Variants in DOCK8 observed in about 807,000 individuals in gnomAD.
DOCK8 encodes the protein dedicator of cytokinesis 8.
A neutral mutation model predicts 245.6 loss-of-function variants in DOCK8; 141 were observed. The ratio of observed to expected loss-of-function variants is 0.57; its 90% CI spans 0.50 to 0.66. The LOEUF (loss-of-function observed/expected upper bound fraction) is 0.66, where lower values mean the gene tolerates loss of function less well. DOCK8 is among the 30% of genes least tolerant of loss of function. DOCK8 has a pLI of 0.00. For missense variants in DOCK8, 2,965 were observed against 2,603.4 expected, an observed-to-expected ratio of 1.14 and a Z score of -3.02; for synonymous variants, 1,168 against 970.2, an observed-to-expected ratio of 1.20 and a Z score of -3.79.
At position 289,767 on chromosome 9, in the gene DOCK8, C is replaced by T. The variant is rs554426266; in HGVS notation, c.404+186C>T. On this transcript the variant is annotated intron_variant, in intron 4 of 47. Coordinates refer to ENST00000432829, the MANE Select transcript of DOCK8 (RefSeq NM_203447.4). ...ACACAGTTCCCCCTATTATGAACAT[C>T]TCACTTTAGTGTGGTACATTTGTTA... Among the ~76,000 whole-genome samples, 6 of 152,298 alleles carry T rather than the reference C, an allele frequency of 3.9e-5. No individual in the cohort carries two copies. The East Asian group carries it at 1.2e-3, about 29-fold the overall frequency.
rs768203617 is a variant in DOCK8, at chr9:464,141, CTCTT to C, written c.6240-16_6240-13del. The C allele has an allele frequency of 6.2e-7, 1 of 1,606,932 alleles. No individual in the cohort carries two copies. On this transcript the variant is annotated splice_polypyrimidine_tract_variant and intron_variant, in intron 47 of 47. Transcript: ENST00000432829. Reference sequence around the variant, plus strand: ...TACGCTCTCTTTCCCTCTCCTCCCTCTCTTTTCTTAATTTCAGGGACTCCTTCCA... The same window carrying C: ...TACGCTCTCTTTCCCTCTCCTCCCTCTTCTTAATTTCAGGGACTCCTTCCA...
Position 318,157 on chromosome 9 carries a change from C to T in DOCK8, c.827+1029C>T, listed in dbSNP as rs138496732. 4.3e-3 allele frequency among the ~76,000 whole-genome samples: 657 copies of T among 152,358 alleles called. 7 individuals carry two copies. The highest frequency in any genetic ancestry group is 0.015 in the African/African-American group (619 of 41,584). ...GTACCCTCGGAGTGCCTCCATACCT[C>T]TCTTCGTCTCTGCAGACTGCTATTT... On this transcript the variant is annotated intron_variant, in intron 7 of 47. Transcript: ENST00000432829.
intron 4 of DOCK8, among the ~76,000 whole-genome samples, chr9:301,879 G>A (rs375840621): frequency 1.3e-5 from 2 of 152,010 alleles, no homozygotes; most frequent in Non-Finnish European, 2.9e-5. Context: ...TTCCATGCTC[G>A]TGGATAGGAA....
At chr9:335,384 C>T (rs1299231526) in intron 11 of DOCK8, among the ~76,000 whole-genome samples, 1 of 152,182 alleles carries the variant, frequency 6.6e-6, no homozygotes, top group Non-Finnish European at 1.5e-5. Context: ...TCCATGTTCA[C>T]ATCTTTTCAT....
intron 10 of DOCK8, among the ~76,000 whole-genome samples, chr9:333,563 T>C (rs1052663361): frequency 6.6e-5 from 10 of 150,536 alleles, no homozygotes; most frequent in African/African-American, 1.7e-4. Flanking sequence ...ATCGTGCCAC[T>C]GCACTCCAGC....
intron 36 of DOCK8, 52 bp from the exon 37 acceptor site, chr9:432,113 CT>C: frequency 6.3e-7 from 1 of 1,593,812 alleles, no homozygotes; most frequent in Non-Finnish European, 8.6e-7. Flanking sequence ...CAGTTATCTA[CT>C]GCTAAGTGTG....
intron 1 of DOCK8, among the ~76,000 whole-genome samples, chr9:244,754 T>A (rs1211825219): frequency 6.6e-6 from 1 of 152,154 alleles, no homozygotes; most frequent in Non-Finnish European, 1.5e-5. Context: ...TTCCTCCCAG[T>A]TGTGGAGGTT....
chr9:269,576 A>G (rs1381994688), intron 1 of DOCK8, among the ~76,000 whole-genome samples: 2 of 119,474 alleles, frequency 1.7e-5, no homozygotes, highest in African/African-American at 3.8e-5. Flanking sequence ...TTTTTTTTGC[A>G]ACAGAGTCTT....
chr9:305,580 T>C lies in DOCK8; in HGVS notation c.528+876T>C, dbSNP rs186542280. Among the ~76,000 whole-genome samples, 641 of 152,324 alleles carry C rather than the reference T, an allele frequency of 4.2e-3. 9 individuals carry two copies. Among genetic ancestry groups the C allele is most frequent in the African/African-American group, 0.014 (578 of 41,564 alleles). The stretch of plus-strand genomic sequence containing the variant: ...GATTACAGGCATGAGCCACCACGCC[T>C]GGCCAGTTGTCATTATTCTTATAAA... On this transcript the variant is annotated intron_variant, in intron 5 of 47. Coordinates refer to ENST00000432829, the MANE Select transcript of DOCK8 (RefSeq NM_203447.4).
At chr9:377,355 AT>A (rs1291166254) in intron 20 of DOCK8, 144 bp downstream of exon 20, 23 of 695,380 alleles carry the variant, frequency 3.3e-5, no homozygotes, top group Non-Finnish European at 4.5e-5. Flanking sequence ...GCCAAGTCTT[AT>A]GCTATTTTTT....
intron 33 of DOCK8, among the ~76,000 whole-genome samples, chr9:424,610 A>T (rs2056411293): frequency 1.3e-5 from 2 of 152,158 alleles, no homozygotes; most frequent in South Asian, 4.1e-4. Context: ...GGGTTTCACC[A>T]TGTTGCCCAG....
chr9:364,128 C>T (rs1280668491), intron 14 of DOCK8, among the ~76,000 whole-genome samples: 1 of 152,134 alleles, frequency 6.6e-6, no homozygotes, highest in Non-Finnish European at 1.5e-5. Flanking sequence ...ATAAAGTGTT[C>T]ATCACAGGTT....
chr9:385,493 A>G (rs547844517), intron 22 of DOCK8, among the ~76,000 whole-genome samples: 2 of 152,318 alleles, frequency 1.3e-5, no homozygotes, highest in African/African-American at 4.8e-5. Context: ...TAATTTCACT[A>G]TATGCTACAA....
At chr9:247,982 T>TG (rs1554645919) in intron 1 of DOCK8, among the ~76,000 whole-genome samples, 2 of 145,080 alleles carry the variant, frequency 1.4e-5, no homozygotes, top group Non-Finnish European at 3.0e-5. Context: ...TTCTCTAAGT[T>TG]AAAAAAAAAA....
chr9:339,534 G>A (rs1384741799), intron 13 of DOCK8, among the ~76,000 whole-genome samples: 1 of 152,044 alleles, frequency 6.6e-6, no homozygotes, highest in Non-Finnish European at 1.5e-5. Flanking sequence ...TTGTTTTTTT[G>A]AGATGGAGTC....
chr9:449,698 A>G, intron 44 of DOCK8, 86 bp from the exon 45 acceptor site: 1 of 1,568,002 alleles, frequency 6.4e-7, no homozygotes, highest in Non-Finnish European at 8.8e-7. Context: ...CTTCAAATTC[A>G]GGTGGCCTCT....
At chr9:400,140 C>A (rs1201091144) in intron 26 of DOCK8, among the ~76,000 whole-genome samples, 1 of 106,628 alleles carries the variant, frequency 9.4e-6, no homozygotes. Flanking sequence ...CCATCACCAC[C>A]ACCTCCACCA....
chr9:421,201 G>C, intron 32 of DOCK8, 123 bp downstream of exon 32: 1 of 1,350,442 alleles, frequency 7.4e-7, no homozygotes. Context: ...TAGTGTCAGA[G>C]ACAGCGGATT....
chr9:446,649 G>C, intron 44 of DOCK8, 43 bp downstream of exon 44: 1 of 1,590,342 alleles, frequency 6.3e-7, no homozygotes, highest in East Asian at 2.2e-5. Context: ...TGAGTGGGCT[G>C]GGTGGCCTCC....
Sources: allele counts gnomAD v4.1 joint callset (sites outside exome capture counted in the v4.1 genomes callset), GRCh38; gene constraint gnomAD v4.1.1; transcripts MANE v1.5; gene names NCBI Gene and HGNC (gene_info 2026-07-23, HGNC 2026-07-21).